SOX5: variants seen among roughly 807,000 people sequenced by gnomAD.
SOX5 encodes transcription factor SOX-5.
In SOX5, 9 loss-of-function variants were observed where a neutral mutation model predicts 92.0. That is an observed-to-expected ratio of 0.10 (90% confidence interval 0.06 to 0.17). SOX5 has a LOEUF of 0.17. Among genes scored for constraint, SOX5 ranks in the 10% least tolerant of loss-of-function variants. SOX5 has a pLI of 1.00. For synonymous variants in SOX5, 344 were observed against 336.3 expected (o/e 1.02, Z -0.25); for missense variants, 642 against 944.5 (o/e 0.68, Z 4.20).
At chr12:24,511,270 T>A (rs958266084) in intron 1 of SOX5, among the ~76,000 whole-genome samples, 1 of 152,244 alleles carries the variant, frequency 6.6e-6, no homozygotes, top group Non-Finnish European at 1.5e-5. Context: ...TAAATGCATA[T>A]GGTTTTTAAT....
In SOX5 at chr12:23,878,530, A is replaced by G; in HGVS notation, c.270+17263T>C. ...AATAAAAATGCTACCTCTGCTTTCT[A>G]TCTGTGGATGCCTATTACATTTTTA... On this transcript the variant is annotated intron_variant, in intron 2 of 14. Transcript: ENST00000451604. Among the ~76,000 whole-genome samples, 2 of 152,046 alleles carry G rather than the reference A, an allele frequency of 1.3e-5. 1 individual carries two copies. Among genetic ancestry groups the G allele is most frequent in the African/African-American group, 4.8e-5 (2 of 41,446 alleles).
chr12:24,231,433 G>T (rs1963380246), intron 3 of SOX5, among the ~76,000 whole-genome samples: 1 of 152,198 alleles, frequency 6.6e-6, no homozygotes, highest in Non-Finnish European at 1.5e-5. Flanking sequence ...CTAGGGGGAA[G>T]AAAGTCTCAA....
intron 4 of SOX5, among the ~76,000 whole-genome samples, chr12:24,148,611 A>G (rs1185732379): frequency 2.1e-5 from 3 of 144,318 alleles, no homozygotes; most frequent in African/African-American, 5.1e-5. Context: ...GCGACTCAGG[A>G]GGCCAAGATG....
intron 1 of SOX5, among the ~76,000 whole-genome samples, chr12:24,415,325 A>G (rs758364693): frequency 5.9e-5 from 9 of 152,184 alleles, no homozygotes; most frequent in Non-Finnish European, 8.8e-5. Context: ...ATATAAGAAG[A>G]CTTGTTCCTC....
At chr12:23,761,231 C>T (rs2094554211) in intron 3 of SOX5, among the ~76,000 whole-genome samples, 1 of 152,082 alleles carries the variant, frequency 6.6e-6, no homozygotes, top group Non-Finnish European at 1.5e-5. Context: ...TAGATAAGCA[C>T]TTCATAAAAG....
At chr12:24,354,637 CTGACAGA>C (rs1954567383) in intron 2 of SOX5, among the ~76,000 whole-genome samples, 1 of 152,144 alleles carries the variant, frequency 6.6e-6, no homozygotes, top group Non-Finnish European at 1.5e-5. Flanking sequence ...TAAAGAGAAG[CTGACAGA>C]TGAACAATAT....
At chr12:24,303,071 C>T (rs1409246782) in intron 2 of SOX5, among the ~76,000 whole-genome samples, 1 of 152,032 alleles carries the variant, frequency 6.6e-6, no homozygotes, top group East Asian at 1.9e-4. Context: ...ACAAGGCTTA[C>T]AAATGAGACC....
At chr12:24,002,570 T>TTTTTTTTTTTTTGTTCTTTA (rs1951712642) in intron 4 of SOX5, among the ~76,000 whole-genome samples, 3 of 132,038 alleles carry the variant, frequency 2.3e-5, no homozygotes, top group African/African-American at 6.3e-5. Context: ...ATTGAATTAG[T>TTTTTTTTTTTTTGTTCTTTA]AATTTTCTTA....
intron 2 of SOX5, among the ~76,000 whole-genome samples, chr12:23,865,403 C>T (rs2096799730): frequency 1.3e-5 from 2 of 152,112 alleles, no homozygotes; most frequent in Non-Finnish European, 2.9e-5. Context: ...GGGCCAAGCA[C>T]GGTGGCCCAT....
At chr12:23,690,606 G>A (rs936924728) in intron 6 of SOX5, among the ~76,000 whole-genome samples, 2 of 152,102 alleles carry the variant, frequency 1.3e-5, no homozygotes, top group Non-Finnish European at 2.9e-5. Context: ...CAGCCACCAG[G>A]TGTATCTAAA....
chr12:24,505,672 A>AT (rs1474369588), intron 1 of SOX5, among the ~76,000 whole-genome samples: 7 of 152,182 alleles, frequency 4.6e-5, no homozygotes, highest in Admixed American at 2.0e-4. Context: ...TCAAAAAGCA[A>AT]TTTTTTTAAT....
At chr12:23,625,932 A>G (rs988460667) in intron 8 of SOX5, among the ~76,000 whole-genome samples, 1 of 152,188 alleles carries the variant, frequency 6.6e-6, no homozygotes, top group African/African-American at 2.4e-5. Context: ...TAAAGAAGAC[A>G]GTCCCTCCAT....
intron 1 of SOX5, among the ~76,000 whole-genome samples, chr12:24,458,287 TG>T (rs1393488020): frequency 1.3e-5 from 2 of 152,342 alleles, no homozygotes; most frequent in East Asian, 1.9e-4. Context: ...AATGATGAAT[TG>T]TTTTTTTACT....
chr12:23,929,949 T>C (rs895811852), intron 1 of SOX5, among the ~76,000 whole-genome samples: 1 of 151,834 alleles, frequency 6.6e-6, no homozygotes, highest in Non-Finnish European at 1.5e-5. Flanking sequence ...AAGAGGACAA[T>C]CAACAGGCTG....
At chr12:23,951,712 T>C (rs1595874745), upstream of SOX5, among the ~76,000 whole-genome samples, 1 of 151,728 alleles carries the variant, frequency 6.6e-6, no homozygotes, top group Non-Finnish European at 1.5e-5. Context: ...CACTATGGAG[T>C]TAAGACACTA....
At chr12:24,332,234 C>A (rs1011016718) in intron 2 of SOX5, among the ~76,000 whole-genome samples, 6 of 152,160 alleles carry the variant, frequency 3.9e-5, no homozygotes, top group Non-Finnish European at 8.8e-5. Context: ...GAAAAAACCA[C>A]GTTACCTCAA....
At chr12:24,176,073 G>A (rs1954774474) in intron 4 of SOX5, among the ~76,000 whole-genome samples, 1 of 152,138 alleles carries the variant, frequency 6.6e-6, no homozygotes, top group African/African-American at 2.4e-5. Flanking sequence ...ACTCACACCT[G>A]TAATTCCAAC....
chr12:23,681,323 AAATT>A (rs1451039159), intron 6 of SOX5, among the ~76,000 whole-genome samples: 3 of 151,916 alleles, frequency 2.0e-5, no homozygotes, highest in Non-Finnish European at 2.9e-5. Flanking sequence ...AGAATGCTAA[AAATT>A]AATACATAAA....
At chr12:24,053,189 T>TTC (rs1222299283) in intron 4 of SOX5, among the ~76,000 whole-genome samples, 3,362 of 150,004 alleles carry the variant, frequency 0.022, 134 homozygotes, top group African/African-American at 0.079. Flanking sequence ...CCCCCCCCCT[T>TTC]TTTTTTTTTT....
Sources: gnomAD v4.1 joint callset for allele counts (sites outside exome capture counted in the v4.1 genomes callset) on GRCh38, gnomAD v4.1.1 for gene constraint, MANE v1.5 for transcripts, NCBI Gene and HGNC (gene_info 2026-07-23, HGNC 2026-07-21) for gene names.